Variants in ANO10 observed in about 807,000 individuals in gnomAD.
The protein encoded by ANO10 is anoctamin 10.
Under a neutral mutation model 74.7 loss-of-function variants are expected in ANO10, and 77 were observed. The observed-to-expected ratio is 1.03, with a 90% CI of 0.86 to 1.25. ANO10 has a LOEUF of 1.25. Among genes scored for constraint, ANO10 ranks in the 50% most tolerant of loss-of-function variants. ANO10 has a pLI of 0.00. For synonymous variants in ANO10, 279 were observed against 284.9 expected (o/e 0.98, Z 0.21); for missense variants, 721 against 778.1 (o/e 0.93, Z 0.87).
At chr3:43,690,989 G>A (rs1292999867) in intron 1 of ANO10, 2 of 1,573,078 alleles carry the variant, frequency 1.3e-6, no homozygotes, top group Non-Finnish European at 1.7e-6. Context: ...GCGCGGCGGC[G>A]GCTATGGCGG....
At chr3:43,394,254 A>G (rs2092334775) in intron 12 of ANO10, among the ~76,000 whole-genome samples, 1 of 152,114 alleles carries the variant, frequency 6.6e-6, no homozygotes, top group Admixed American at 6.5e-5. Flanking sequence ...CATGGTCAGC[A>G]GCACATTTCC....
intron 1 of ANO10, among the ~76,000 whole-genome samples, chr3:43,662,404 G>A (rs186462555): frequency 6.6e-6 from 1 of 152,238 alleles, no homozygotes; most frequent in Non-Finnish European, 1.5e-5. Flanking sequence ...CACATTTAAA[G>A]CAGCAGTGTG....
intron 1 of ANO10, among the ~76,000 whole-genome samples, chr3:43,676,262 C>T (rs908561455): frequency 4.6e-5 from 7 of 151,414 alleles, no homozygotes; most frequent in African/African-American, 1.7e-4. Context: ...AGTTTGACAC[C>T]AGCCTGGACA....
At chr3:43,457,358 C>T (rs1272919844) in intron 11 of ANO10, among the ~76,000 whole-genome samples, 1 of 152,190 alleles carries the variant, frequency 6.6e-6, no homozygotes, top group Non-Finnish European at 1.5e-5. Context: ...GTTTAACTGA[C>T]TCACAGTTCT....
chr3:43,580,481 G>A lies in ANO10; in HGVS notation c.473-9C>T, dbSNP rs1244881410. Reference sequence around the variant, plus strand: ...CGTGAGCAATCTTCTCACTGCACAGGGAAAATGTGCCAAACTGCATGAAAT... The same window carrying A: ...CGTGAGCAATCTTCTCACTGCACAGAGAAAATGTGCCAAACTGCATGAAAT... On this transcript the variant is annotated splice_polypyrimidine_tract_variant and intron_variant, in intron 4 of 12. Coordinates refer to ENST00000292246, the MANE Select transcript of ANO10 (RefSeq NM_018075.5). 1 of 1,612,848 alleles carries A rather than the reference G, an allele frequency of 6.2e-7. No homozygotes were observed. Among genetic ancestry groups the A allele is most frequent in the African/African-American group, 1.3e-5 (1 of 74,872 alleles).
chr3:43,670,640 G>C (rs1478437381), intron 1 of ANO10, among the ~76,000 whole-genome samples: 1 of 152,142 alleles, frequency 6.6e-6, no homozygotes. Flanking sequence ...TGAGGGGTCA[G>C]TTCTAATTTA....
intron 10 of ANO10, among the ~76,000 whole-genome samples, chr3:43,553,217 T>C (rs1358112644): frequency 2.0e-5 from 3 of 152,198 alleles, no homozygotes; most frequent in Admixed American, 6.5e-5. Context: ...AGGTAAGATG[T>C]TATTTCTCTT....
At chr3:43,616,702 T>C (rs535023706) in intron 1 of ANO10, among the ~76,000 whole-genome samples, 13 of 152,220 alleles carry the variant, frequency 8.5e-5, no homozygotes, top group African/African-American at 2.9e-4. Context: ...CCATTTTCAG[T>C]CACTCTACAC....
At chr3:43,487,600 T>C (rs1344604709) in intron 11 of ANO10, among the ~76,000 whole-genome samples, 1 of 152,144 alleles carries the variant, frequency 6.6e-6, no homozygotes, top group African/African-American at 2.4e-5. Flanking sequence ...GTAGAGGTGT[T>C]TGTAGTATTC....
chr3:43,411,388 A>C (rs922459487), intron 12 of ANO10, among the ~76,000 whole-genome samples: 3 of 152,084 alleles, frequency 2.0e-5, no homozygotes, highest in Admixed American at 2.0e-4. Flanking sequence ...TTTGACAACT[A>C]TTTTGCAGCT....
At chr3:43,460,832 T>C (rs778793923) in intron 11 of ANO10, among the ~76,000 whole-genome samples, 1 of 152,126 alleles carries the variant, frequency 6.6e-6, no homozygotes, top group Non-Finnish European at 1.5e-5. Flanking sequence ...AAGAAAATCC[T>C]GTATTCATAC....
At chr3:43,450,716 G>A (rs1169918600) in intron 11 of ANO10, among the ~76,000 whole-genome samples, 2 of 152,080 alleles carry the variant, frequency 1.3e-5, no homozygotes, top group Admixed American at 6.6e-5. Flanking sequence ...TCAAGTCCAC[G>A]TGAACTAAAG....
chr3:43,415,545 C>CTTTTTTTTTTT (rs538224235), intron 12 of ANO10, among the ~76,000 whole-genome samples: 2 of 147,342 alleles, frequency 1.4e-5, no homozygotes, highest in African/African-American at 5.0e-5. Context: ...TTCTTTCTTT[C>CTTTTTTTTTTT]TTTTTTTTTT....
intron 11 of ANO10, among the ~76,000 whole-genome samples, chr3:43,443,492 C>G (rs554187358): frequency 1.1e-4 from 17 of 152,040 alleles, no homozygotes; most frequent in African/African-American, 4.1e-4. Context: ...TTGAGGCTCC[C>G]TTTTCAGTTC....
At chr3:43,691,367 G>A (rs2084378001) in intron 1 of ANO10, 1 of 211,004 alleles carries the variant, frequency 4.7e-6, no homozygotes, top group Non-Finnish European at 9.3e-6. Flanking sequence ...TGGCCGCGGC[G>A]GCCGCACCGG....
At chr3:43,382,683 A>C (rs2092002580) in intron 12 of ANO10, among the ~76,000 whole-genome samples, 1 of 152,210 alleles carries the variant, frequency 6.6e-6, no homozygotes, top group Non-Finnish European at 1.5e-5. Context: ...ATTAGAAACG[A>C]AACGGGAGAT....
intron 11 of ANO10, among the ~76,000 whole-genome samples, chr3:43,508,416 C>T (rs1454655761): frequency 1.3e-5 from 2 of 152,278 alleles, no homozygotes; most frequent in African/African-American, 4.8e-5. Context: ...ACCAGAAATA[C>T]CATTTGACCC....
intron 11 of ANO10, among the ~76,000 whole-genome samples, chr3:43,456,708 A>G (rs1320876052): frequency 1.3e-5 from 2 of 152,242 alleles, no homozygotes; most frequent in East Asian, 3.8e-4. Flanking sequence ...TATATCAAAT[A>G]TACCATTGGT....
At chr3:43,382,121 A>G (rs1479046563) in intron 12 of ANO10, among the ~76,000 whole-genome samples, 3 of 152,268 alleles carry the variant, frequency 2.0e-5, no homozygotes, top group African/African-American at 7.2e-5. Flanking sequence ...TTAAATGCCT[A>G]CGTCACAAAG....
Sources: gnomAD v4.1 joint callset for allele counts (sites outside exome capture counted in the v4.1 genomes callset) on GRCh38, gnomAD v4.1.1 for gene constraint, MANE v1.5 for transcripts, NCBI Gene and HGNC (gene_info 2026-07-23, HGNC 2026-07-21) for gene names.